Variants in ROS1 observed in about 807,000 individuals in gnomAD.
The protein encoded by ROS1 is proto-oncogene tyrosine-protein kinase ROS.
ROS1 carries 263 observed loss-of-function variants against 273.5 expected under a neutral mutation model. The observed-to-expected ratio is 0.96, with a 90% CI of 0.87 to 1.06. The LOEUF (loss-of-function observed/expected upper bound fraction) is 1.06, where lower values mean the gene tolerates loss of function less well. ROS1 is among the 50% of genes least tolerant of loss of function. The probability of loss-of-function intolerance (pLI) is 0.00; values close to 1 mark genes in which losing one functional copy is unlikely to be tolerated. For synonymous variants in ROS1, 1,008 were observed against 954.1 expected, an observed-to-expected ratio of 1.06 and a Z score of -1.04; for missense variants, 2,833 against 2,751.1, an observed-to-expected ratio of 1.03 and a Z score of -0.67.
chr6:117,312,125 A>G (rs555436225), intron 39 of ROS1, among the ~76,000 whole-genome samples: 7 of 152,068 alleles, frequency 4.6e-5, no homozygotes, highest in African/African-American at 1.7e-4. Flanking sequence ...CTTCCGTTAC[A>G]CTGGTCCGAT....
At chr6:117,308,258 A>G (rs1025768606) in intron 42 of ROS1, among the ~76,000 whole-genome samples, 2 of 152,158 alleles carry the variant, frequency 1.3e-5, no homozygotes. Flanking sequence ...GATTCGCTAA[A>G]GTTACAATAC....
At position 117,350,807 on chromosome 6, in the gene ROS1, A is replaced by AG. The variant is rs964016151; in HGVS notation, c.4303+2182_4303+2183insC. On this transcript the variant is annotated intron_variant, in intron 27 of 43. Coordinates refer to ENST00000368507, the MANE Select transcript of ROS1 (RefSeq NM_001378902.1). ...ATTAAGCCCATCAAACATTCCTCAC[A>AG]TGTTACAGTGTTTTTATCTCTAACA... Among the ~76,000 whole-genome samples, 8 of 150,904 alleles carry AG rather than the reference A, an allele frequency of 5.3e-5. No homozygotes were observed. In the East Asian group the frequency reaches 1.6e-3, roughly 29 times the overall value.
rs763901089 is a variant in ROS1 at position 117,404,353 on chromosome 6, G to T, written c.392C>A (p.Ala131Glu). 6 of 1,613,612 alleles carry T rather than the reference G, an allele frequency of 3.7e-6. No homozygotes were observed. Among genetic ancestry groups the T allele is most frequent in the East Asian group, 2.2e-5 (1 of 44,892 alleles). Residue 131 changes from alanine (A) to glutamate (E), a missense_variant, in exon 6 of 44, where the codon GCA becomes GAA. Ala to Glu is a moderately radical substitution (Grantham distance 107). Coordinates refer to ENST00000368507, the MANE Select transcript of ROS1 (RefSeq NM_001378902.1). ...GATGTATTTTACTCCAGAGAAGTTT[G>T]CAGATTTCCATCGTAATGTCATATT... ...SHNMTLRWKS[A>E]NFSGVKYIIQ...
At chr6:117,400,424 T>C (rs1480515249) in intron 7 of ROS1, among the ~76,000 whole-genome samples, 1 of 152,212 alleles carries the variant, frequency 6.6e-6, no homozygotes, top group African/African-American at 2.4e-5. Flanking sequence ...TGAATATATT[T>C]TGAACAAGAG....
intron 7 of ROS1, among the ~76,000 whole-genome samples, chr6:117,399,536 G>T (rs1264201262): frequency 6.6e-6 from 1 of 152,174 alleles, no homozygotes; most frequent in African/African-American, 2.4e-5. Context: ...TAGGTCCAAG[G>T]CCTAGTTCAG....
intron 8 of ROS1, 145 bp from the exon 9 acceptor site, chr6:117,396,409 G>A (rs1163458831): frequency 2.8e-5 from 18 of 650,010 alleles, no homozygotes; most frequent in South Asian, 1.4e-4. Context: ...GCTCAGCACC[G>A]AAATGACCAT....
intron 2 of ROS1, among the ~76,000 whole-genome samples, chr6:117,417,400 C>A (rs1021144098): frequency 6.6e-6 from 1 of 152,156 alleles, no homozygotes. Context: ...TAAAATCCAT[C>A]TGAGTTCATC....
rs766461873 is a variant in ROS1, at chr6:117,326,395, A to T, written c.5368T>A (p.Leu1790Ile). 1 of 1,553,174 alleles carries T rather than the reference A, an allele frequency of 6.4e-7. No individual in the cohort carries two copies. The highest frequency in any genetic ancestry group is 2.4e-5 in the East Asian group (1 of 41,442). The stretch of plus-strand genomic sequence containing the variant: ...TTCCACCTTAAATTCTGGTTCTGTA[A>T]ATTATTTGAAGTGCTCTTTCTGCAA... ...LEIRKSTSNN[L>I]QNQNLRWKMT... The change falls in exon 34 of 44, where the codon TTA (leucine) becomes ATA (isoleucine). Residue 1790 changes from leucine (L) to isoleucine (I), a missense_variant. Leu to Ile is a conservative substitution (Grantham distance 5). Transcript: ENST00000368507.
intron 35 of ROS1, 26 bp from the exon 36 acceptor site, chr6:117,321,420 TACAA>T: frequency 6.4e-7 from 1 of 1,565,414 alleles, no homozygotes; most frequent in South Asian, 1.2e-5. Context: ...TGACATAATT[TACAA>T]AATAAAATAT....
chr6:117,302,305 C>G (rs1319381921), intron 42 of ROS1, among the ~76,000 whole-genome samples: 1 of 152,054 alleles, frequency 6.6e-6, no homozygotes, highest in East Asian at 1.9e-4. Context: ...ATCCCCACTC[C>G]CTCTGCCTTC....
intron 17 of ROS1, among the ~76,000 whole-genome samples, chr6:117,381,481 A>T (rs1166544285): frequency 2.6e-5 from 4 of 152,052 alleles, no homozygotes; most frequent in Non-Finnish European, 5.9e-5. Flanking sequence ...ATAAGTGAGA[A>T]CATATAGTAT....
chr6:117,300,873 C>T, intron 43 of ROS1, 101 bp downstream of exon 43: 1 of 880,012 alleles, frequency 1.1e-6, no homozygotes, highest in Non-Finnish European at 1.6e-6. Context: ...GTATATTATT[C>T]TTTTTGCCTA....
rs201623248 is a variant in ROS1 at position 117,403,550 on chromosome 6, A to AT, written c.466-274dup. ...TTAGTACACATAGTATCTTGGGACT[A>AT]TTTTTTTTTTTTCTAAACTTTCTCA... On this transcript the variant is annotated intron_variant, in intron 6 of 43. Coordinates refer to ENST00000368507, the MANE Select transcript of ROS1 (RefSeq NM_001378902.1). Among the ~76,000 whole-genome samples, 843 of 146,004 alleles carry AT rather than the reference A, an allele frequency of 5.8e-3. 7 individuals are homozygous for AT. The highest frequency in any genetic ancestry group is 0.023 in the South Asian group (106 of 4,624).
chr6:117,372,672 C>T (rs1190804536), intron 18 of ROS1, among the ~76,000 whole-genome samples: 2 of 152,066 alleles, frequency 1.3e-5, no homozygotes, highest in African/African-American at 4.8e-5. Context: ...CATCTGGAGT[C>T]GCTCATTCCT....
chr6:117,414,850 G>A (rs1775217324), intron 3 of ROS1, among the ~76,000 whole-genome samples: 1 of 152,214 alleles, frequency 6.6e-6, no homozygotes, highest in African/African-American at 2.4e-5. Flanking sequence ...AGGAGTATTT[G>A]CAAATGCCAA....
intron 38 of ROS1, 69 bp from the exon 39 acceptor site, chr6:117,317,341 G>A (rs2128555998): frequency 2.7e-6 from 4 of 1,508,298 alleles, no homozygotes; most frequent in Non-Finnish European, 3.6e-6. Flanking sequence ...GGTCTTTATG[G>A]AGTACAGCAA....
At chr6:117,371,299 T>C (rs530832014) in intron 18 of ROS1, among the ~76,000 whole-genome samples, 33 of 152,234 alleles carry the variant, frequency 2.2e-4, no homozygotes, top group African/African-American at 7.9e-4. Context: ...CGAACACACA[T>C]CCTCTGTGGA....
chr6:117,342,424 T>C lies in ROS1; in HGVS notation c.4627A>G (p.Ile1543Val), dbSNP rs150147295. Residue 1543 changes from isoleucine to valine, a missense_variant, in exon 29 of 44, where the codon ATT becomes GTT. Transcript: ENST00000368507. ...PLEHLPPGKE[I>V]WGKTKNGVPE... The stretch of plus-strand genomic sequence containing the variant: ...CCTCCATTTTTAGTTTTTCCCCAAA[T>C]CTCTTTTCCTGGTGGTAAATGTTCC... The C allele has an allele frequency of 6.2e-7, 1 of 1,612,152 alleles. No homozygotes were observed. Among genetic ancestry groups the C allele is most frequent in the South Asian group, 1.1e-5 (1 of 90,824 alleles).
chr6:117,326,901 C>T (rs530713), intron 33 of ROS1, among the ~76,000 whole-genome samples: 14,406 of 152,218 alleles, frequency 0.095, 876 homozygotes, highest in Middle Eastern at 0.14. Flanking sequence ...GATTCTGAGG[C>T]TCGTTGCTTC....
Sources: allele counts gnomAD v4.1 joint callset (sites outside exome capture counted in the v4.1 genomes callset), GRCh38; gene constraint gnomAD v4.1.1; transcripts MANE v1.5; gene names NCBI Gene and HGNC (gene_info 2026-07-23, HGNC 2026-07-21).